BCCIP: variants seen among roughly 807,000 people sequenced by gnomAD.
BCCIP encodes the protein BRCA2 and CDKN1A-interacting protein.
A neutral mutation model predicts 32.8 loss-of-function variants in BCCIP; 23 were observed. That is an observed-to-expected ratio of 0.70 (90% CI 0.51 to 0.99). The LOEUF (loss-of-function observed/expected upper bound fraction) is 0.99. BCCIP is among the 50% of genes least tolerant of loss of function. The pLI, the probability that BCCIP is intolerant of heterozygous loss-of-function variation, is 0.00. For synonymous variants in BCCIP, 144 were observed against 137.6 expected (o/e 1.05, Z -0.33); for missense variants, 378 against 379.8 (o/e 1.00, Z 0.04).
downstream of BCCIP, among the ~76,000 whole-genome samples, chr10:125,847,792 A>G (rs1343049078): frequency 6.6e-6 from 1 of 152,170 alleles, no homozygotes; most frequent in African/African-American, 2.4e-5. Flanking sequence ...GTGACAGATC[A>G]TCAGGCATTA....
At chr10:125,846,787 A>T (rs1944027241), downstream of BCCIP, among the ~76,000 whole-genome samples, 1 of 152,166 alleles carries the variant, frequency 6.6e-6, no homozygotes, top group Non-Finnish European at 1.5e-5. Flanking sequence ...TCTCAAATAG[A>T]ATCAATGGCT....
At chr10:125,841,551 A>G (rs1854880719), downstream of BCCIP, 1 of 1,428,824 alleles carries the variant, frequency 7.0e-7, no homozygotes, top group South Asian at 1.6e-5. Flanking sequence ...TTTTCTTAAG[A>G]TAATTTTTCA....
In BCCIP at chr10:125,826,662, G is replaced by A; in HGVS notation, c.237G>A (p.Gln79=). 6.2e-7 allele frequency: 1 copy of A among 1,613,310 alleles called. No individual in the cohort carries two copies. The part of the protein sequence containing the change: ...NDYDGIKKLL[Q]QLFLKAPVNT... ...ATGACGGAATTAAGAAATTACTGCA[G>A]CAGGTATTGTCTTTTATTTATTATG... Residue 79 remains glutamine, a synonymous_variant, in exon 2 of 7, where the codon CAG becomes CAA. Transcript: ENST00000278100.
At chr10:125,852,533 A>G (rs751246260) in intron 7 of BCCIP, 7 of 1,613,338 alleles carry the variant, frequency 4.3e-6, no homozygotes, top group Admixed American at 1.7e-5. Flanking sequence ...ATTTGTGTCC[A>G]CAGCACTACC....
intron 3 of BCCIP, among the ~76,000 whole-genome samples, chr10:125,829,739 A>G (rs987148879): frequency 2.0e-5 from 3 of 152,224 alleles, no homozygotes; most frequent in Non-Finnish European, 4.4e-5. Context: ...AATAAATGTG[A>G]TCTCTAGCTG....
downstream of BCCIP, among the ~76,000 whole-genome samples, chr10:125,847,673 G>A (rs989734215): frequency 6.6e-5 from 10 of 152,136 alleles, no homozygotes; most frequent in Non-Finnish European, 1.2e-4. Context: ...TTATTACATT[G>A]TAATATATAA....
At chr10:125,838,447 A>G, downstream of BCCIP, 1 of 1,424,110 alleles carries the variant, frequency 7.0e-7, no homozygotes, top group Non-Finnish European at 9.3e-7. Context: ...CATTATACAA[A>G]GATGTTTGTT....
downstream of BCCIP, among the ~76,000 whole-genome samples, chr10:125,839,444 A>G (rs1368434287): frequency 6.6e-6 from 1 of 152,208 alleles, no homozygotes; most frequent in Admixed American, 6.5e-5. Flanking sequence ...ATCCCAGCCA[A>G]CTGTGGAAAC....
At chr10:125,842,952 T>C (rs1564823481), downstream of BCCIP, 1 of 245,960 alleles carries the variant, frequency 4.1e-6, no homozygotes, top group Non-Finnish European at 6.5e-6. Context: ...TATATATAGA[T>C]TGGTGCAAAA....
Position 125,823,724 on chromosome 10 carries a change from TGA to T in BCCIP, c.165+5_165+6del. 2 of 1,613,894 alleles carry T rather than the reference TGA, an allele frequency of 1.2e-6. No individual in the cohort carries two copies. Among genetic ancestry groups the T allele is most frequent in the Non-Finnish European group, 1.7e-6 (2 of 1,179,850 alleles). ...GAAGAGGACGAGGTCATTGACGAGG[TGA>T]GAAGGACACGCTCCCCTAGTTGGTT... On this transcript the variant is annotated splice_donor_region_variant and intron_variant, in intron 1 of 6. Transcript: ENST00000278100.
At chr10:125,841,944 G>GA (rs763984749) in exon 7 of BCCIP, 15 of 1,570,166 alleles carry the variant, frequency 9.6e-6, no homozygotes, top group African/African-American at 2.8e-5. Context: ...GCTAGGAAAG[G>GA]AAAAAAATAA....
chr10:125,840,862 T>C, downstream of BCCIP: 6 of 1,593,998 alleles, frequency 3.8e-6, no homozygotes, highest in Non-Finnish European at 5.1e-6. Flanking sequence ...CTGCTAGAAT[T>C]CAGAGTTGTG....
chr10:125,833,842 A>C lies in BCCIP; in HGVS notation c.670A>C (p.Lys224Gln), dbSNP rs759817912. The C allele has an allele frequency of 6.2e-7, 1 of 1,614,236 alleles. No homozygotes were observed. Residue 224 changes from lysine to glutamine, a missense_variant, in exon 6 of 7, where the codon AAG (lysine) becomes CAG (glutamine). By Grantham distance (53) the Lys-to-Gln change is moderately conservative. Transcript: ENST00000278100. ...GKCYFYLLIS[K>Q]TFVEAGKNNS... ...GTGCTACTTTTACCTTCTGATTAGT[A>C]AGACATTTGTGGAAGCAGGAAAAAA... is the stretch of plus-strand genomic sequence containing the variant.
rs953528649 is a variant in BCCIP at position 125,833,955 on chromosome 10, A to G, written c.774+9A>G. 2 of 1,612,434 alleles carry G rather than the reference A, an allele frequency of 1.2e-6. No individual in the cohort carries two copies. Among genetic ancestry groups the G allele is most frequent in the Non-Finnish European group, 1.7e-6 (2 of 1,178,910 alleles). On this transcript the variant is annotated intron_variant, in intron 6 of 6. Transcript: ENST00000278100. Reference sequence around the variant, plus strand: ...AAGAATTTTTCTATGAGGTAAGACTATCCTGCTTATTTGTTTAGATGTAAA... The same window carrying G: ...AAGAATTTTTCTATGAGGTAAGACTGTCCTGCTTATTTGTTTAGATGTAAA...
At chr10:125,834,143 C>G (rs994999518) in intron 6 of BCCIP, among the ~76,000 whole-genome samples, 197 bp downstream of exon 6, 4 of 152,294 alleles carry the variant, frequency 2.6e-5, no homozygotes, top group Admixed American at 6.5e-5. Flanking sequence ...GCACCAGCCT[C>G]CTTGCCTGCA....
downstream of BCCIP, chr10:125,841,512 A>T (rs541724640): frequency 1.4e-6 from 2 of 1,439,230 alleles, no homozygotes; most frequent in Non-Finnish European, 1.8e-6. Flanking sequence ...CATACATCTG[A>T]TGTATAAATT....
exon 7 of BCCIP, chr10:125,841,606 A>G: frequency 2.1e-6 from 3 of 1,455,732 alleles, no homozygotes; most frequent in South Asian, 3.0e-5. Context: ...ATACCTCACT[A>G]TCATTTCAAA....
At chr10:125,838,167 A>T (rs751726587), downstream of BCCIP, 40 of 1,158,524 alleles carry the variant, frequency 3.5e-5, no homozygotes, top group East Asian at 1.7e-4. Context: ...GGTATGAATT[A>T]AAAAAAAAAT....
At chr10:125,844,143 A>G (rs555739979), downstream of BCCIP, among the ~76,000 whole-genome samples, 3 of 152,332 alleles carry the variant, frequency 2.0e-5, no homozygotes, top group South Asian at 6.2e-4. Flanking sequence ...ATTCAGAAAA[A>G]AAGTTCAAGA....
Sources: allele counts gnomAD v4.1 joint callset (sites outside exome capture counted in the v4.1 genomes callset), GRCh38; gene constraint gnomAD v4.1.1; transcripts MANE v1.5; gene names NCBI Gene and HGNC (gene_info 2026-07-23, HGNC 2026-07-21).